The following MAP3K2 variants were observed in gnomAD, a reference collection of about 807,000 sequenced individuals.
MAP3K2 encodes the protein mitogen-activated protein kinase kinase kinase 2.
MAP3K2 carries 24 observed loss-of-function variants against 80.3 expected under a neutral mutation model. That is an observed-to-expected ratio of 0.30 (90% confidence interval 0.22 to 0.42). The LOEUF is 0.42. Among genes scored for constraint, MAP3K2 ranks in the 10% least tolerant of loss-of-function variants. MAP3K2 has a pLI of 1.00. For synonymous variants in MAP3K2, 244 were observed against 253.7 expected, an observed-to-expected ratio of 0.96 and a Z score of 0.36; for missense variants, 608 against 750.1, an observed-to-expected ratio of 0.81 and a Z score of 2.21.
rs1403246311 is a variant in MAP3K2, at chr2:127,321,062, A to G, written c.1045+984T>C. 6.6e-6 allele frequency among the ~76,000 whole-genome samples: 1 copy of G among 152,216 alleles called. No individual in the cohort carries two copies. Among genetic ancestry groups the G allele is most frequent in the Non-Finnish European group, 1.5e-5 (1 of 68,036 alleles). On this transcript the variant is annotated intron_variant, in intron 12 of 16. Coordinates refer to ENST00000682094, the MANE Select transcript of MAP3K2 (RefSeq NM_001371910.2). This position sits in a 1 kb window ranked among gnomAD's most constrained non-coding sequence, Gnocchi z 4.4. ...TTGAGCCCAGAAGGCAGAGGTTGCA[A>G]TGAGTTGAGATTGCACCACAGCCTG...
intron 14 of MAP3K2, among the ~76,000 whole-genome samples, chr2:127,315,217 C>T (rs980413153): frequency 6.6e-5 from 10 of 152,088 alleles, no homozygotes; most frequent in African/African-American, 2.2e-4. Flanking sequence ...GGATAAGGTG[C>T]CATCTCTGAG....
chr2:127,365,831 T>A (rs975420448), intron 1 of MAP3K2, among the ~76,000 whole-genome samples: 4 of 152,246 alleles, frequency 2.6e-5, no homozygotes, highest in Non-Finnish European at 4.4e-5. Flanking sequence ...CTCTGACTTC[T>A]GGAGTTTCTC....
chr2:127,340,512 C>A (rs1240071027), intron 2 of MAP3K2, among the ~76,000 whole-genome samples: 3 of 152,056 alleles, frequency 2.0e-5, no homozygotes, highest in Non-Finnish European at 4.4e-5. Flanking sequence ...CAAAAATTAG[C>A]CAGGCATGGT....
At position 127,299,474 on chromosome 2, in the gene MAP3K2, A is replaced by G. The variant is rs567673007; in HGVS notation, c.*8105T>C. 1 of 152,210 alleles carries G rather than the reference A, an allele frequency of 6.6e-6. No homozygotes were observed. Among genetic ancestry groups the G allele is most frequent in the Non-Finnish European group, 1.5e-5 (1 of 68,014 alleles). The allele number at this position is 152,210 out of a possible 1,614,324, so 9.4% of individuals were successfully genotyped here. On this transcript the variant is annotated 3_prime_UTR_variant, in exon 17 of 17. Transcript: ENST00000682094. ...TTGGGGTGGAATACAGGAAATATTC[A>G]AAGACAACAGTAGGACAGGCCAATA... is the stretch of plus-strand genomic sequence containing the variant.
Position 127,364,389 on chromosome 2 carries a change from A to ATCTG in MAP3K2, c.-65-21196_-65-21195insCAGA, listed in dbSNP as rs1383626420. On this transcript the variant is annotated intron_variant, in intron 1 of 16. Transcript: ENST00000682094. This position sits in a 1 kb window ranked among gnomAD's most constrained non-coding sequence, Gnocchi z 4.1. ...ACTTTTTGTCTCTGTGCTGTCTGAA[A>ATCTG]TGCTTCCTTTTTTCTACTTGTCCAA... Among the ~76,000 whole-genome samples, 2 of 152,162 alleles carry ATCTG rather than the reference A, an allele frequency of 1.3e-5. No individual in the cohort carries two copies. Among genetic ancestry groups the ATCTG allele is most frequent in the Non-Finnish European group, 2.9e-5 (2 of 68,028 alleles).
At chr2:127,361,040 G>T (rs1373897424) in intron 1 of MAP3K2, among the ~76,000 whole-genome samples, 2 of 152,002 alleles carry the variant, frequency 1.3e-5, no homozygotes, top group Non-Finnish European at 2.9e-5. Flanking sequence ...TAGGCAGGGC[G>T]CGGTGGCTCA....
chr2:127,374,561 C>T (rs1367856902), intron 1 of MAP3K2, among the ~76,000 whole-genome samples: 1 of 152,214 alleles, frequency 6.6e-6, no homozygotes, highest in Non-Finnish European at 1.5e-5. Flanking sequence ...CCTCCTTCAA[C>T]AGGTGTTAAC....
At chr2:127,326,609 A>C in intron 8 of MAP3K2, 78 bp downstream of exon 8, 1 of 1,056,928 alleles carries the variant, frequency 9.5e-7, no homozygotes, top group Non-Finnish European at 1.3e-6. Context: ...ACACACACAC[A>C]CCCAGTTACG....
chr2:127,321,984 A>G lies in MAP3K2; in HGVS notation c.1045+62T>C, dbSNP rs1464497684. On this transcript the variant is annotated intron_variant, in intron 12 of 16. Coordinates refer to ENST00000682094, the MANE Select transcript of MAP3K2 (RefSeq NM_001371910.2). This position sits in a 1 kb window ranked among gnomAD's most constrained non-coding sequence, Gnocchi z 4.4. ...ACTCACTTAGTATTTATTCCTTTTA[A>G]TAATATAAAATTCTGCAAAGATTCT... 2.2e-6 allele frequency: 3 copies of G among 1,392,830 alleles called. No homozygotes were observed. The highest frequency in any genetic ancestry group is 2.9e-5 in the African/African-American group (2 of 69,748). 86.3% of individuals were successfully genotyped at this position (1,392,830 alleles called of 1,614,324 possible).
rs551191088 is a variant in MAP3K2, at chr2:127,374,114, A to G, written c.-66+13338T>C. 4.5e-4 allele frequency among the ~76,000 whole-genome samples: 69 copies of G among 152,280 alleles called. 1 individual carries two copies. The South Asian group carries it at 0.014, about 32-fold the overall frequency. ...CACATAATTCCCTCACTCATTCTGG[A>G]TTTACTAGCACTCAGAGAGCTGAGA... is the stretch of plus-strand genomic sequence containing the variant. On this transcript the variant is annotated intron_variant, in intron 1 of 16. Coordinates refer to ENST00000682094, the MANE Select transcript of MAP3K2 (RefSeq NM_001371910.2).
intron 15 of MAP3K2, among the ~76,000 whole-genome samples, chr2:127,309,080 G>C (rs540586098): frequency 5.3e-5 from 8 of 152,312 alleles, no homozygotes; most frequent in African/African-American, 1.9e-4. Context: ...ATGAAGCTCA[G>C]TGAAGGACCA....
At chr2:127,312,677 C>T (rs2104808552) in intron 15 of MAP3K2, among the ~76,000 whole-genome samples, 1 of 152,002 alleles carries the variant, frequency 6.6e-6, no homozygotes, top group East Asian at 1.9e-4. Context: ...AAAAAACAAA[C>T]AAAGGCCGGG....
At chr2:127,375,673 G>A (rs1687140447) in intron 1 of MAP3K2, among the ~76,000 whole-genome samples, 1 of 152,070 alleles carries the variant, frequency 6.6e-6, no homozygotes, top group Admixed American at 6.6e-5. Context: ...CTCCCAAAGT[G>A]CTGGGATTAA....
intron 1 of MAP3K2, among the ~76,000 whole-genome samples, chr2:127,360,746 G>C (rs1352809249): frequency 6.6e-6 from 1 of 152,144 alleles, no homozygotes; most frequent in Non-Finnish European, 1.5e-5. Context: ...ACTTAAACTG[G>C]TGATTCCTTT....
chr2:127,316,097 G>C (rs1360372734), intron 14 of MAP3K2, among the ~76,000 whole-genome samples: 1 of 151,880 alleles, frequency 6.6e-6, no homozygotes, highest in African/African-American at 2.4e-5. Context: ...TTGTAGCCAG[G>C]AGCAATGGCT....
At chr2:127,332,186 A>G (rs1686272654) in intron 5 of MAP3K2, among the ~76,000 whole-genome samples, 1 of 152,194 alleles carries the variant, frequency 6.6e-6, no homozygotes, top group Non-Finnish European at 1.5e-5. Context: ...TTTCCCACCA[A>G]TTATGAAACA....
chr2:127,381,997 AT>A (rs1488815207), intron 1 of MAP3K2, among the ~76,000 whole-genome samples: 2 of 152,206 alleles, frequency 1.3e-5, no homozygotes, highest in African/African-American at 4.8e-5. Flanking sequence ...CTTAAAAAAA[AT>A]CATTGTCATT....
chr2:127,332,325 A>G (rs775386467), intron 5 of MAP3K2, among the ~76,000 whole-genome samples: 15 of 152,196 alleles, frequency 9.9e-5, no homozygotes, highest in Non-Finnish European at 2.9e-5. Flanking sequence ...ACTTACTTTT[A>G]TTATTCATTT....
rs554620134 is a variant in MAP3K2, at chr2:127,344,843, G to A, written c.-65-1649C>T. The stretch of plus-strand genomic sequence containing the variant: ...CTTCTGGTCCCAAACATTTTGACCT[G>A]AATATGTTGCCTACAACAGACACTT... On this transcript the variant is annotated intron_variant, in intron 1 of 16. Coordinates refer to ENST00000682094, the MANE Select transcript of MAP3K2 (RefSeq NM_001371910.2). Among the ~76,000 whole-genome samples, 17 of 152,198 alleles carry A rather than the reference G, an allele frequency of 1.1e-4. No homozygotes were observed. In the South Asian group the frequency reaches 1.9e-3, roughly 17 times the overall value.
Sources: gnomAD v4.1 joint callset for allele counts (sites outside exome capture counted in the v4.1 genomes callset) on GRCh38, gnomAD v4.1.1 for gene constraint, Gnocchi (gnomAD v3.1) non-coding constraint, MANE v1.5 for transcripts, NCBI Gene and HGNC (gene_info 2026-07-23, HGNC 2026-07-21) for gene names.